The following YOD1 variants were observed in gnomAD, a reference collection of about 807,000 sequenced individuals.
YOD1 encodes ubiquitin thioesterase OTU1.
A neutral mutation model predicts 23.7 loss-of-function variants in YOD1; 17 were observed. The ratio of observed to expected loss-of-function variants is 0.72; its 90% confidence interval spans 0.49 to 1.07. YOD1 has a LOEUF of 1.07. YOD1 is among the 50% of genes least tolerant of loss of function. The pLI, the probability that YOD1 is intolerant of heterozygous loss-of-function variation, is 0.00. For synonymous variants in YOD1, 191 were observed against 169.6 expected (o/e 1.13, Z -0.98); for missense variants, 413 against 447.2 (o/e 0.92, Z 0.69).
Position 207,047,106 on chromosome 1 carries a change from T to A in YOD1, c.*1914A>T, listed in dbSNP as rs1682617829. The A allele has an allele frequency of 6.6e-6, 1 of 152,634 alleles. No individual in the cohort carries two copies. Among genetic ancestry groups the A allele is most frequent in the East Asian group, 1.9e-4 (1 of 5,186 alleles). The allele number at this position is 152,634 out of a possible 1,614,324, so 9.5% of individuals were successfully genotyped here. On this transcript the variant is annotated 3_prime_UTR_variant, in exon 2 of 2. Transcript: ENST00000315927. The stretch of plus-strand genomic sequence containing the variant: ...AGATACAAAACCAAAACCATCCAGA[T>A]CAGATGAGAGTCAGGTGTGGAGAGA...
At position 207,049,343 on chromosome 1, in the gene YOD1, G is replaced by A. The variant is rs779314487; in HGVS notation, c.724C>T (p.Gln242Ter). ...CCAAAACGATCAATTCTTACTGTCT[G>A]TGTATCCACTACACATATTTCACAT... ...YQCEICVVDT[Q>*]TVRIDRFGED... Residue 242 changes from glutamine (Q) to a stop codon, truncating the protein, a stop_gained, in exon 2 of 2, where the codon CAG (glutamine) becomes TAG (stop). Coordinates refer to ENST00000315927, the MANE Select transcript of YOD1 (RefSeq NM_018566.4). LOFTEE classifies it high-confidence loss of function. 1.5e-5 allele frequency: 24 copies of A among 1,613,992 alleles called. No individual in the cohort carries two copies. Among genetic ancestry groups the A allele is most frequent in the Non-Finnish European group, 2.0e-5 (24 of 1,180,042 alleles).
At chr1:207,051,489 G>T (rs1183576630), upstream of YOD1, among the ~76,000 whole-genome samples, 1 of 152,214 alleles carries the variant, frequency 6.6e-6, no homozygotes, top group Non-Finnish European at 1.5e-5. Flanking sequence ...GACTCATTGG[G>T]GTTCCAGGGG....
Position 207,050,852 on chromosome 1 carries a change from A to G in YOD1, c.179T>C (p.Leu60Ser), listed in dbSNP as rs1572711456. 1 of 1,612,642 alleles carries G rather than the reference A, an allele frequency of 6.2e-7. No individual in the cohort carries two copies. The highest frequency in any genetic ancestry group is 8.5e-7 in the Non-Finnish European group (1 of 1,179,892). The change falls in exon 1 of 2, where the codon TTG becomes TCG. Residue 60 changes from leucine (L) to serine (S), a missense_variant. Leu to Ser is a moderately radical substitution (Grantham distance 145). Coordinates refer to ENST00000315927, the MANE Select transcript of YOD1 (RefSeq NM_018566.4). ...CCGGGTCCGGCTGGACAGCCCCTGC[A>G]AAACATGGGTGCCGTCCTTGGCCTT... ...RCKAKDGTHV[L>S]QGLSSRTRVR... is the part of the protein sequence containing the mutation.
rs1421445321 is a variant in YOD1, at chr1:207,050,948, C to G, written c.83G>C (p.Gly28Ala). The G allele has an allele frequency of 6.4e-7, 1 of 1,573,846 alleles. No homozygotes were observed. Among genetic ancestry groups the G allele is most frequent in the Non-Finnish European group, 8.6e-7 (1 of 1,158,786 alleles). Reference protein sequence around the residue: ...FPGGVSQQAAGTKAGPAGAWP... With the variant: ...FPGGVSQQAAATKAGPAGAWP... ...GGCACCCGCGGGGCCAGCTTTGGTC[C>G]CGGCAGCCTGTTGGGAGACGCCGCC... is the stretch of plus-strand genomic sequence containing the variant. The change falls in exon 1 of 2, where the codon GGG (glycine) becomes GCG (alanine). Residue 28 changes from glycine to alanine, a missense_variant. Transcript: ENST00000315927.
upstream of YOD1, chr1:207,052,459 C>T: frequency 4.4e-6 from 2 of 451,530 alleles, no homozygotes; most frequent in Non-Finnish European, 4.0e-6. Flanking sequence ...GTCAGAAGTT[C>T]GAGACCAGCC....
At position 207,044,438 on chromosome 1, in the gene YOD1, G is replaced by A. The variant is rs1437762257; in HGVS notation, c.*4582C>T. ...AAGTAACTTACGGGCTAATTACATA[G>A]CCTATACCAGTTTATAAAGTAGACT... On this transcript the variant is annotated 3_prime_UTR_variant, in exon 2 of 2. Coordinates refer to ENST00000315927, the MANE Select transcript of YOD1 (RefSeq NM_018566.4). 1 of 152,488 alleles carries A rather than the reference G, an allele frequency of 6.6e-6. No homozygotes were observed. The highest frequency in any genetic ancestry group is 2.4e-5 in the African/African-American group (1 of 41,436). The allele number at this position is 152,488 out of a possible 1,614,324, so 9.4% of individuals were successfully genotyped here.
rs1479303984 is a variant in YOD1 at position 207,047,908 on chromosome 1, TAA to T, written c.*1110_*1111del. The T allele has an allele frequency of 6.6e-6, 1 of 152,230 alleles. No individual in the cohort carries two copies. The highest frequency in any genetic ancestry group is 1.9e-4 in the East Asian group (1 of 5,208). 9.4% of individuals were successfully genotyped at this position (152,230 alleles called of 1,614,324 possible). Reference sequence around the variant, plus strand: ...TAATTTGCAGAAATGTGAAATTATTTAAAATAACTTTAGTGGAGGGATAAGGC... The same window carrying T: ...TAATTTGCAGAAATGTGAAATTATTTAATAACTTTAGTGGAGGGATAAGGC... On this transcript the variant is annotated 3_prime_UTR_variant, in exon 2 of 2. Transcript: ENST00000315927.
chr1:207,051,283 G>A (rs1309771230), upstream of YOD1, among the ~76,000 whole-genome samples: 1 of 152,200 alleles, frequency 6.6e-6, no homozygotes, highest in Non-Finnish European at 1.5e-5. Flanking sequence ...ATGAAGGTCT[G>A]GAGATTGGAA....
Position 207,049,013 on chromosome 1 carries a change from G to A in YOD1, c.*7C>T, listed in dbSNP as rs2102325923. ...GTAGTAGGCTTCAACCCTCATTCAT[G>A]CATAGGTCACACTTCTCCAAAGTTG... On this transcript the variant is annotated 3_prime_UTR_variant, in exon 2 of 2. Coordinates refer to ENST00000315927, the MANE Select transcript of YOD1 (RefSeq NM_018566.4). The A allele has an allele frequency of 6.2e-7, 1 of 1,610,886 alleles. No individual in the cohort carries two copies.
At chr1:207,052,080 G>A (rs1324421517), upstream of YOD1, 5 of 899,568 alleles carry the variant, frequency 5.6e-6, no homozygotes, top group Admixed American at 6.3e-5. Flanking sequence ...TTATCCAGCC[G>A]GGATTCAGAC....
Position 207,050,690 on chromosome 1 carries a change from G to A in YOD1, c.341C>T (p.Ser114Phe). Residue 114 changes from serine to phenylalanine, a missense_variant and splice_region_variant, in exon 1 of 2, where the codon TCT becomes TTT. By Grantham distance (155) the Ser-to-Phe change is radical. Coordinates refer to ENST00000315927, the MANE Select transcript of YOD1 (RefSeq NM_018566.4). The part of the protein sequence containing the change: ...DTILEDLPIQ[S>F]GDMLIIEEDQ... Reference sequence around the variant, plus strand: ...TGGCCCCAGCCCTGATTCCTTACCAGATTGGATGGGCAAGTCTTCCAGAAT... The same window carrying A: ...TGGCCCCAGCCCTGATTCCTTACCAAATTGGATGGGCAAGTCTTCCAGAAT... 1 of 1,613,122 alleles carries A rather than the reference G, an allele frequency of 6.2e-7. No homozygotes were observed. Among genetic ancestry groups the A allele is most frequent in the Non-Finnish European group, 8.5e-7 (1 of 1,179,994 alleles).
rs1682744308 is a variant in YOD1, at chr1:207,051,200, A to G, written c.-170T>C. The G allele has an allele frequency of 7.7e-7, 1 of 1,305,344 alleles. No individual in the cohort carries two copies. 80.9% of individuals were successfully genotyped at this position (1,305,344 alleles called of 1,614,324 possible). On this transcript the variant is annotated 5_prime_UTR_variant, in exon 1 of 2. Transcript: ENST00000315927. The stretch of plus-strand genomic sequence containing the variant: ...AAGGACAACGGGTCTTGCTACCTAT[A>G]GAGCGAGTGAGGTGCCCTCCGCGTG...
rs764660457 is a variant in YOD1, at chr1:207,049,198, T to C, written c.869A>G (p.Asp290Gly). The change falls in exon 2 of 2, where the codon GAT (aspartate) becomes GGT (glycine). Residue 290 changes from aspartate to glycine, a missense_variant. By Grantham distance (94) the Asp-to-Gly change is moderately conservative (BLOSUM62 -1). Transcript: ENST00000315927. ...TPPLTIFSSN[D>G]DIVLVQALEL... ...CAGTGCTTGTACAAGAACAATATCA[T>C]CATTAGAGGAGAAAATGGTCAGAGG... is the stretch of plus-strand genomic sequence containing the variant. 5.0e-6 allele frequency: 8 copies of C among 1,614,056 alleles called. No homozygotes were observed. The highest frequency in any genetic ancestry group is 4.4e-5 in the South Asian group (4 of 91,068).
At position 207,046,606 on chromosome 1, in the gene YOD1, G is replaced by C. The variant is rs914314312; in HGVS notation, c.*2414C>G. On this transcript the variant is annotated 3_prime_UTR_variant, in exon 2 of 2. Coordinates refer to ENST00000315927, the MANE Select transcript of YOD1 (RefSeq NM_018566.4). ...TTGAAAGGAATTTGACAGAGTATCA[G>C]TGTCCAACCGGTAAATGGACAACCT... 12 of 152,066 alleles carry C rather than the reference G, an allele frequency of 7.9e-5. No homozygotes were observed. The highest frequency in any genetic ancestry group is 1.8e-4 in the Non-Finnish European group (12 of 67,940). The allele number at this position is 152,066 out of a possible 1,614,324, so 9.4% of individuals were successfully genotyped here. A position where few individuals can be genotyped will look rare whatever the true frequency, so the allele number is the denominator to read the frequency against.
At position 207,046,319 on chromosome 1, in the gene YOD1, C is replaced by T. The variant is rs1169336323; in HGVS notation, c.*2701G>A. 6.6e-6 allele frequency: 1 copy of T among 151,898 alleles called. No individual in the cohort carries two copies. Among genetic ancestry groups the T allele is most frequent in the African/African-American group, 2.4e-5 (1 of 41,354 alleles). The allele number at this position is 151,898 out of a possible 1,614,324, so 9.4% of individuals were successfully genotyped here. A position where few individuals can be genotyped will look rare whatever the true frequency, so the allele number is the denominator to read the frequency against. ...TAAGTCCATAGATTTTCAAAATTCC[C>T]AAGATGAGAATTTACTCCCTTTAAT... On this transcript the variant is annotated 3_prime_UTR_variant, in exon 2 of 2. Transcript: ENST00000315927.
Position 207,050,994 on chromosome 1 carries a change from G to A in YOD1, c.37C>T (p.His13Tyr), listed in dbSNP as rs1009770682. 2.0e-6 allele frequency: 3 copies of A among 1,531,860 alleles called. No homozygotes were observed. Among genetic ancestry groups the A allele is most frequent in the African/African-American group, 2.8e-5 (2 of 72,370 alleles). 94.9% of individuals were successfully genotyped at this position (1,531,860 alleles called of 1,614,324 possible). ...GPAKGRHFGVHPAPGFPGGVS... is the reference protein window; with the variant it reads ...GPAKGRHFGVYPAPGFPGGVS... ...CCGCCGGGGAAACCAGGCGCCGGGT[G>A]GACTCCAAAATGGCGACCTTTAGCG... The change falls in exon 1 of 2, where the codon CAC (histidine) becomes TAC (tyrosine). Residue 13 changes from histidine to tyrosine, a missense_variant. Physicochemically the swap from His to Tyr is moderately conservative, Grantham distance 83. Coordinates refer to ENST00000315927, the MANE Select transcript of YOD1 (RefSeq NM_018566.4).
Position 207,051,092 on chromosome 1 carries a change from C to T in YOD1, c.-62G>A. 1 of 1,439,472 alleles carries T rather than the reference C, an allele frequency of 6.9e-7. No homozygotes were observed. Among genetic ancestry groups the T allele is most frequent in the Non-Finnish European group, 9.1e-7 (1 of 1,101,122 alleles). 89.2% of individuals were successfully genotyped at this position (1,439,472 alleles called of 1,614,324 possible). On this transcript the variant is annotated 5_prime_UTR_variant, in exon 1 of 2. Transcript: ENST00000315927. ...CTTCGGTGCGGCTTCTGCCTTAGTA[C>T]CTTAGCAAGCGCGAACTCTTTTAAA...
Position 207,045,417 on chromosome 1 carries a change from T to C in YOD1, c.*3603A>G, listed in dbSNP as rs1004739887. 1.3e-5 allele frequency: 2 copies of C among 152,508 alleles called. No homozygotes were observed. The highest frequency in any genetic ancestry group is 2.4e-5 in the African/African-American group (1 of 41,442). 9.4% of individuals were successfully genotyped at this position (152,508 alleles called of 1,614,324 possible). Reference sequence around the variant, plus strand: ...CTCTACACTGATGGCAATCTTTGATTAAGAAGAGCTGATGGTTAGTAGCTC... The same window carrying C: ...CTCTACACTGATGGCAATCTTTGATCAAGAAGAGCTGATGGTTAGTAGCTC... On this transcript the variant is annotated 3_prime_UTR_variant, in exon 2 of 2. Transcript: ENST00000315927.
rs145353324 is a variant in YOD1, at chr1:207,049,765, A to G, written c.344-42T>C. ...AAATCCCGATCTGCAAAGAAATTAC[A>G]GAAGAAACCGAGTGTTCTCTAGCCA... On this transcript the variant is annotated intron_variant, in intron 1 of 1. Transcript: ENST00000315927. The G allele has an allele frequency of 2.9e-4, 444 of 1,550,274 alleles. 1 individual carries two copies. In the East Asian group the frequency reaches 8.2e-3, roughly 29 times the overall value.
Sources: gnomAD v4.1 joint callset for allele counts (sites outside exome capture counted in the v4.1 genomes callset) on GRCh38, gnomAD v4.1.1 for gene constraint, MANE v1.5 for transcripts, NCBI Gene and HGNC (gene_info 2026-07-23, HGNC 2026-07-21) for gene names.